The following GNAO1 variants were observed in gnomAD, a reference collection of about 807,000 sequenced individuals.
The protein encoded by GNAO1 is G protein subunit alpha o1, also known as guanine nucleotide-binding protein G(o) subunit alpha.
For synonymous variants in GNAO1, 164 were observed against 180.7 expected (o/e 0.91, Z 0.74); for missense variants, 166 against 478.7 (o/e 0.35, Z 6.10).
intron 3 of GNAO1, chr16:56,307,727 CTGG>C (rs1162984758): frequency 6.6e-6 from 1 of 152,254 alleles, no homozygotes; most frequent in Non-Finnish European, 1.5e-5. Context: ...TTGACATTTC[CTGG>C]TGGAGACACC....
chr16:56,270,432 A>G (rs1596833231), intron 2 of GNAO1: 2 of 152,046 alleles, frequency 1.3e-5, no homozygotes, highest in East Asian at 3.9e-4. Flanking sequence ...ACACACACAC[A>G]CACACACACA....
intron 3 of GNAO1, among the ~76,000 whole-genome samples, chr16:56,314,724 G>T (rs1426709914): frequency 6.6e-6 from 1 of 152,160 alleles, no homozygotes; most frequent in Non-Finnish European, 1.5e-5. Context: ...CACCATCCGT[G>T]CAAATGTTAA....
intron 2 of GNAO1, among the ~76,000 whole-genome samples, chr16:56,267,268 G>A (rs557442869): frequency 2.0e-4 from 31 of 152,294 alleles, no homozygotes; most frequent in African/African-American, 7.0e-4. Flanking sequence ...CAACCAGGCG[G>A]TGTTGGTGAC....
intron 2 of GNAO1, among the ~76,000 whole-genome samples, chr16:56,259,602 C>T (rs1355874798): frequency 6.6e-6 from 1 of 152,226 alleles, no homozygotes; most frequent in African/African-American, 2.4e-5. Context: ...AGACAGTCTT[C>T]ATCCATGCAT....
rs1425145552 is a variant in GNAO1, at chr16:56,192,032, C to T, written c.-204C>T. The T allele has an allele frequency of 1.7e-5, 10 of 586,322 alleles. No homozygotes were observed. Among genetic ancestry groups the T allele is most frequent in the Non-Finnish European group, 3.0e-5 (10 of 329,278 alleles). 36.3% of individuals were successfully genotyped at this position (586,322 alleles called of 1,614,324 possible). On this transcript the variant is annotated 5_prime_UTR_variant, in exon 1 of 9. Coordinates refer to ENST00000262493, the MANE Select transcript of GNAO1 (RefSeq NM_020988.3). ...AACCCCAGACCCCTGCCAGCTGCCG[C>T]GAGTCTCCGCTGCTGGAATCTTGTT... is the stretch of plus-strand genomic sequence containing the variant.
intron 2 of GNAO1, among the ~76,000 whole-genome samples, chr16:56,233,737 A>G (rs545953304): frequency 1.3e-5 from 2 of 152,268 alleles, no homozygotes; most frequent in South Asian, 2.1e-4. Context: ...CTGCCCATGG[A>G]GCTGCTTTTG....
intron 2 of GNAO1, among the ~76,000 whole-genome samples, chr16:56,220,190 G>A (rs1314307746): frequency 2.0e-5 from 3 of 152,074 alleles, no homozygotes; most frequent in African/African-American, 7.3e-5. Context: ...GCTGGGACAA[G>A]GCTCCTGAGT....
At chr16:56,327,819 G>A (rs1354177716) in intron 3 of GNAO1, among the ~76,000 whole-genome samples, 3 of 152,236 alleles carry the variant, frequency 2.0e-5, no homozygotes, top group African/African-American at 4.8e-5. Context: ...AGGAGGCAGA[G>A]GAGGAGAGTG....
chr16:56,296,410 G>A (rs1008082328), intron 3 of GNAO1, among the ~76,000 whole-genome samples: 4 of 152,200 alleles, frequency 2.6e-5, no homozygotes, highest in African/African-American at 4.8e-5. Context: ...AGGGAGAAGC[G>A]CTTGTTTCCC....
At position 56,263,774 on chromosome 16, in the gene GNAO1, C is replaced by T. The variant is rs538791285; in HGVS notation, c.162-12157C>T. Among the ~76,000 whole-genome samples, 325 of 152,296 alleles carry T rather than the reference C, an allele frequency of 2.1e-3. 2 individuals carry two copies. The highest frequency in any genetic ancestry group is 0.014 in the South Asian group (70 of 4,830). On this transcript the variant is annotated intron_variant, in intron 2 of 8. Transcript: ENST00000262493. ...CGTGACCCTTGGTCAACCTGAGAAA[C>T]GGGGCAACCACAGGAAGTTGATGCA...
intron 2 of GNAO1, among the ~76,000 whole-genome samples, chr16:56,200,064 A>G (rs1243757041): frequency 2.6e-5 from 4 of 152,210 alleles, no homozygotes; most frequent in African/African-American, 4.8e-5. Flanking sequence ...GCCAACAGAT[A>G]GGTTTTCTGT....
chr16:56,351,077 C>A lies in GNAO1; in HGVS notation c.724-307C>A, dbSNP rs1312577081. Among the ~76,000 whole-genome samples the A allele has an allele frequency of 1.3e-5, 2 of 152,200 alleles. No individual in the cohort carries two copies. Among genetic ancestry groups the A allele is most frequent in the African/African-American group, 4.8e-5 (2 of 41,460 alleles). ...AGCCACACACACGTGTGCTGGGAGA[C>A]CCTCACATAGCTGGGAACTCTGCAG... On this transcript the variant is annotated intron_variant, in intron 6 of 8. Coordinates refer to ENST00000262493, the MANE Select transcript of GNAO1 (RefSeq NM_020988.3). The surrounding 1 kb of genome is among the most constrained non-coding windows in gnomAD (Gnocchi z 6.1).
In GNAO1 at chr16:56,279,903, G is replaced by A. The variant is rs535147538; in HGVS notation, c.303+3831G>A. On this transcript the variant is annotated intron_variant, in intron 3 of 8. Transcript: ENST00000262493. ...AGGTCTTCTGATCAAGGCGTATGTCGTTTATCTTTGGGTCACCTCCTCACT... is the reference window on the plus strand; with the variant it reads ...AGGTCTTCTGATCAAGGCGTATGTCATTTATCTTTGGGTCACCTCCTCACT... Among the ~76,000 whole-genome samples, 10 of 152,284 alleles carry A rather than the reference G, an allele frequency of 6.6e-5. No individual in the cohort carries two copies. The South Asian group carries it at 8.3e-4, about 13-fold the overall frequency.
At chr16:56,347,250 A>C (rs1397996421) in intron 6 of GNAO1, 2 of 985,356 alleles carry the variant, frequency 2.0e-6, no homozygotes, top group East Asian at 2.3e-4. Context: ...AAAACCTGGC[A>C]GTTCTCAGGA....
chr16:56,331,262 C>T (rs1457868615), intron 4 of GNAO1, among the ~76,000 whole-genome samples: 1 of 152,224 alleles, frequency 6.6e-6, no homozygotes, highest in Non-Finnish European at 1.5e-5. Context: ...CTGGCTCTCC[C>T]TTCTGGATAA....
chr16:56,244,385 A>G (rs1313558076), intron 2 of GNAO1, among the ~76,000 whole-genome samples: 1 of 151,890 alleles, frequency 6.6e-6, no homozygotes, highest in African/African-American at 2.4e-5. Context: ...AAAAAACCTA[A>G]CATTATATTT....
rs972614285 is a variant in GNAO1 at position 56,284,769 on chromosome 16, A to G, written c.303+8697A>G. Among the ~76,000 whole-genome samples, 6 of 152,286 alleles carry G rather than the reference A, an allele frequency of 3.9e-5. No individual in the cohort carries two copies. The South Asian group carries it at 1.2e-3, about 32-fold the overall frequency. ...ATCCTGTGCCTGAGTGATTCCATTC[A>G]TCCAATGGGTGTGTGCTTCTGGGTC... On this transcript the variant is annotated intron_variant, in intron 3 of 8. Transcript: ENST00000262493.
At chr16:56,318,951 G>C (rs755374947) in intron 3 of GNAO1, among the ~76,000 whole-genome samples, 18 of 152,178 alleles carry the variant, frequency 1.2e-4, no homozygotes, top group Non-Finnish European at 2.4e-4. Flanking sequence ...TCAGTGTTCT[G>C]TCCAAGGTCA....
Position 56,192,200 on chromosome 16 carries a change from C to G in GNAO1, c.-36C>G. 1 of 1,234,226 alleles carries G rather than the reference C, an allele frequency of 8.1e-7. No homozygotes were observed. The highest frequency in any genetic ancestry group is 1.3e-5 in the South Asian group (1 of 78,886). The allele number at this position is 1,234,226 out of a possible 1,614,324, so 76.5% of individuals were successfully genotyped here. ...GCTCCAAGCCGGGGAGCCGTGCCAG[C>G]CGAGTCGTGCGGGCTGTGGCAGGGA... On this transcript the variant is annotated 5_prime_UTR_variant, in exon 1 of 9. Coordinates refer to ENST00000262493, the MANE Select transcript of GNAO1 (RefSeq NM_020988.3).
Sources: gnomAD v4.1 joint callset for allele counts (sites outside exome capture counted in the v4.1 genomes callset) on GRCh38, gnomAD v4.1.1 for gene constraint, Gnocchi (gnomAD v3.1) non-coding constraint, MANE v1.5 for transcripts, NCBI Gene and HGNC (gene_info 2026-07-23, HGNC 2026-07-21) for gene names.